EYA2: variants seen among roughly 807,000 people sequenced by gnomAD.
EYA2 encodes the protein EYA transcriptional coactivator and phosphatase 2, also known as protein phosphatase EYA2.
A neutral mutation model predicts 69.2 loss-of-function variants in EYA2; 31 were observed. That is an observed-to-expected ratio of 0.45 (90% confidence interval 0.34 to 0.60). EYA2 has a LOEUF of 0.60. EYA2 is among the 20% of genes least tolerant of loss of function. The pLI, the probability that EYA2 is intolerant of heterozygous loss-of-function variation, is 0.02. For missense variants in EYA2, 622 were observed against 701.2 expected, an observed-to-expected ratio of 0.89 and a Z score of 1.28; for synonymous variants, 257 against 279.4, an observed-to-expected ratio of 0.92 and a Z score of 0.80.
intron 5 of EYA2, among the ~76,000 whole-genome samples, chr20:47,033,609 C>G (rs1428695041): frequency 1.3e-5 from 2 of 152,108 alleles, no homozygotes; most frequent in African/African-American, 2.4e-5. Context: ...TATTTCTTGC[C>G]CTTCTTGCAG....
chr20:47,156,035 TAC>T (rs146224832), intron 10 of EYA2, among the ~76,000 whole-genome samples: 3,562 of 70,114 alleles, frequency 0.051, 134 homozygotes, highest in African/African-American at 0.14. Flanking sequence ...TATATATACA[TAC>T]ACACACACAC....
At chr20:47,014,991 AAAG>A (rs1483016769) in intron 4 of EYA2, among the ~76,000 whole-genome samples, 4 of 152,340 alleles carry the variant, frequency 2.6e-5, no homozygotes, top group Non-Finnish European at 4.4e-5. Context: ...AGTAAAAGAA[AAAG>A]AAGAAAATGA....
intron 9 of EYA2, among the ~76,000 whole-genome samples, chr20:47,133,394 G>A (rs993824507): frequency 1.3e-5 from 2 of 152,198 alleles, no homozygotes; most frequent in Admixed American, 6.5e-5. Context: ...CCCATAATGG[G>A]TGTTATTTTT....
Position 47,010,492 on chromosome 20 carries a change from G to A in EYA2, c.298+5408G>A, listed in dbSNP as rs1057433620. ...TGCTGAGTCTCAAGAACTACTGGGC[G>A]TGGTGGCACACACGTGCTCCCAGCT... On this transcript the variant is annotated intron_variant, in intron 4 of 15. Transcript: ENST00000327619. 6.6e-5 allele frequency among the ~76,000 whole-genome samples: 10 copies of A among 152,230 alleles called. No individual in the cohort carries two copies. In the East Asian group the frequency reaches 1.6e-3, roughly 24 times the overall value.
At chr20:47,027,106 C>T (rs1208481204) in intron 5 of EYA2, among the ~76,000 whole-genome samples, 1 of 152,200 alleles carries the variant, frequency 6.6e-6, no homozygotes, top group Non-Finnish European at 1.5e-5. Flanking sequence ...TTTGGGTTCC[C>T]CCACCTCTGG....
intron 1 of EYA2, among the ~76,000 whole-genome samples, chr20:46,969,849 C>T (rs897619087): frequency 2.0e-5 from 3 of 152,116 alleles, no homozygotes; most frequent in South Asian, 4.1e-4. Flanking sequence ...ATCTGAAGTC[C>T]CTCCACCATT....
chr20:46,905,224 C>A (rs1291111765), intron 1 of EYA2, among the ~76,000 whole-genome samples: 1 of 152,124 alleles, frequency 6.6e-6, no homozygotes, highest in Non-Finnish European at 1.5e-5. Flanking sequence ...ATACATGTGT[C>A]CATTTAACAA....
At chr20:47,186,517 G>A (rs1019410161) in intron 15 of EYA2, among the ~76,000 whole-genome samples, 4 of 151,792 alleles carry the variant, frequency 2.6e-5, no homozygotes, top group African/African-American at 4.8e-5. Context: ...CCACCACCAC[G>A]CCCAGCTGAT....
rs565386712 is a variant in EYA2, at chr20:47,073,640, C to G, written c.484-518C>G. On this transcript the variant is annotated intron_variant, in intron 6 of 15. Transcript: ENST00000327619. ...AGGACAGGTGCCATCAGGGCCACGT[C>G]TATATCCCTTAGGGTGGCCTGTGGA... Among the ~76,000 whole-genome samples, 18 of 152,220 alleles carry G rather than the reference C, an allele frequency of 1.2e-4. 1 individual carries two copies. The highest frequency in any genetic ancestry group is 1.2e-3 in the Admixed American group (18 of 15,286).
At chr20:47,185,855 T>C (rs918388586) in intron 15 of EYA2, among the ~76,000 whole-genome samples, 1 of 152,180 alleles carries the variant, frequency 6.6e-6, no homozygotes, top group Non-Finnish European at 1.5e-5. Flanking sequence ...ACCTTCTTTT[T>C]TTCCCTCTCT....
intron 5 of EYA2, among the ~76,000 whole-genome samples, chr20:47,059,293 G>A (rs1231648858): frequency 3.3e-5 from 5 of 152,184 alleles, no homozygotes; most frequent in Non-Finnish European, 4.4e-5. Context: ...TCAGACTACA[G>A]GCTCGAGGGG....
intron 10 of EYA2, among the ~76,000 whole-genome samples, chr20:47,158,371 G>A (rs772288080): frequency 1.3e-5 from 2 of 151,818 alleles, no homozygotes; most frequent in Non-Finnish European, 2.9e-5. Context: ...CAAAAAATTA[G>A]CCAGATGTGG....
intron 5 of EYA2, among the ~76,000 whole-genome samples, chr20:47,046,403 T>C (rs937779079): frequency 1.3e-5 from 2 of 152,212 alleles, no homozygotes; most frequent in Non-Finnish European, 2.9e-5. Context: ...TACCAGCCTC[T>C]ACCACTCATG....
chr20:46,970,498 A>G (rs573295648), intron 1 of EYA2, among the ~76,000 whole-genome samples: 2 of 152,320 alleles, frequency 1.3e-5, no homozygotes, highest in East Asian at 3.9e-4. Context: ...CTGTACAACA[A>G]AGAATCACCC....
intron 4 of EYA2, 106 bp from the exon 5 acceptor site, chr20:47,016,075 T>A: frequency 1.2e-6 from 1 of 818,468 alleles, no homozygotes; most frequent in Non-Finnish European, 2.1e-6. Context: ...ATTTGGAAGC[T>A]GATAAAATTG....
intron 15 of EYA2, among the ~76,000 whole-genome samples, chr20:47,185,360 G>A (rs1321502074): frequency 7.0e-5 from 9 of 127,752 alleles, no homozygotes; most frequent in Non-Finnish European, 1.3e-4. Context: ...GAGTGCAGTA[G>A]CATGATCTCG....
intron 5 of EYA2, among the ~76,000 whole-genome samples, chr20:47,032,243 T>C (rs1458966773): frequency 6.6e-6 from 1 of 152,206 alleles, no homozygotes; most frequent in Non-Finnish European, 1.5e-5. Context: ...CACCCACCTT[T>C]GAGTTATGTG....
intron 1 of EYA2, among the ~76,000 whole-genome samples, chr20:46,920,723 C>T (rs1251793424): frequency 1.3e-5 from 2 of 152,158 alleles, no homozygotes; most frequent in Admixed American, 6.5e-5. Flanking sequence ...TCATTCCAGG[C>T]CCCAGGGACA....
At chr20:46,974,666 T>C (rs1000467962) in intron 1 of EYA2, among the ~76,000 whole-genome samples, 2 of 152,178 alleles carry the variant, frequency 1.3e-5, no homozygotes, top group Non-Finnish European at 2.9e-5. Context: ...GACTCTTCCC[T>C]TACAGGAAGA....
Sources: allele counts gnomAD v4.1 joint callset (sites outside exome capture counted in the v4.1 genomes callset), GRCh38; gene constraint gnomAD v4.1.1; transcripts MANE v1.5; gene names NCBI Gene and HGNC (gene_info 2026-07-23, HGNC 2026-07-21).